The following CCDC39 variants were observed in gnomAD, a reference collection of about 807,000 sequenced individuals.
The protein encoded by CCDC39 is coiled-coil domain 39 molecular ruler complex subunit.
A neutral mutation model predicts 121.0 loss-of-function variants in CCDC39; 113 were observed. That is an observed-to-expected ratio of 0.93 (90% CI 0.80 to 1.09). CCDC39 has a LOEUF of 1.09. Ranked by LOEUF, CCDC39 falls within the 50% of genes least tolerant of loss-of-function variation. The pLI is 0.00. For synonymous variants in CCDC39, 349 were observed against 352.2 expected (o/e 0.99, Z 0.10); for missense variants, 1,063 against 1,074.7 (o/e 0.99, Z 0.15).
rs557331410 is a variant in CCDC39, at chr3:180,652,899, A to G, written c.931-633T>C. Among the ~76,000 whole-genome samples the G allele has an allele frequency of 2.6e-5, 4 of 152,252 alleles. No homozygotes were observed. In the South Asian group the frequency reaches 8.3e-4, roughly 32 times the overall value. On this transcript the variant is annotated intron_variant, in intron 7 of 19. Transcript: ENST00000476379. ...AAAAAGAAATCAAGAAAACAATCCC[A>G]TTTACAATGGCATCAAAAAGAATAA...
intron 1 of CCDC39, among the ~76,000 whole-genome samples, chr3:180,673,390 C>G (rs1712102989): frequency 6.6e-6 from 1 of 152,198 alleles, no homozygotes; most frequent in South Asian, 2.1e-4. Flanking sequence ...CCTTCAGCCA[C>G]CACCTTGATC....
intron 16 of CCDC39, chr3:180,617,892 C>T (rs1560079839): frequency 6.4e-6 from 1 of 156,864 alleles, no homozygotes; most frequent in Admixed American, 6.5e-5. Flanking sequence ...TTCACATTCT[C>T]TCACCACTCA....
At chr3:180,643,336 C>G (rs1718003579) in intron 12 of CCDC39, among the ~76,000 whole-genome samples, 2 of 151,356 alleles carry the variant, frequency 1.3e-5, no homozygotes, top group Non-Finnish European at 2.9e-5. Flanking sequence ...AAAAATGGGC[C>G]AAGAATACAA....
At chr3:180,668,899 C>T (rs1440299490) in intron 1 of CCDC39, among the ~76,000 whole-genome samples, 1 of 152,020 alleles carries the variant, frequency 6.6e-6, no homozygotes, top group African/African-American at 2.4e-5. Flanking sequence ...ATCTGTCAGT[C>T]CTTTCTTTGG....
intron 2 of CCDC39, 101 bp downstream of exon 2, chr3:180,663,766 C>T (rs1285878054): frequency 1.8e-6 from 2 of 1,117,296 alleles, no homozygotes; most frequent in African/African-American, 1.6e-5. Context: ...TTTAATTATG[C>T]TAAGGTTTCC....
Position 180,679,407 on chromosome 3 carries a change from G to C in CCDC39, c.-27C>G. The stretch of plus-strand genomic sequence containing the variant: ...ACTGCAAACGGATAGAGAAGATACA[G>C]AGCAAAGATCCGCCTTCTTGTACAG... On this transcript the variant is annotated 5_prime_UTR_variant, in exon 1 of 20. Transcript: ENST00000476379. This position sits in a 1 kb window ranked among gnomAD's most constrained non-coding sequence, Gnocchi z 4.0. 2 of 1,601,574 alleles carry C rather than the reference G, an allele frequency of 1.2e-6. No individual in the cohort carries two copies. Among genetic ancestry groups the C allele is most frequent in the Non-Finnish European group, 8.6e-7 (1 of 1,168,662 alleles).
At chr3:180,650,451 T>C (rs1718172945) in intron 9 of CCDC39, among the ~76,000 whole-genome samples, 1 of 152,140 alleles carries the variant, frequency 6.6e-6, no homozygotes, top group African/African-American at 2.4e-5. Context: ...ACAAAGCCAC[T>C]TTTTGAACTA....
At chr3:180,670,577 C>T (rs530490111) in intron 1 of CCDC39, among the ~76,000 whole-genome samples, 2 of 151,272 alleles carry the variant, frequency 1.3e-5, no homozygotes, top group Non-Finnish European at 2.9e-5. Flanking sequence ...TTCATTTACT[C>T]TAATTCCACA....
In CCDC39 at chr3:180,662,035, G is replaced by A. The variant is rs1184074080; in HGVS notation, c.211-28C>T. On this transcript the variant is annotated intron_variant, in intron 2 of 19. Coordinates refer to ENST00000476379, the MANE Select transcript of CCDC39 (RefSeq NM_181426.2). Reference sequence around the variant, plus strand: ...ACAGAATAACACACAAGATAAAAAGGCTTTTAAAATTTTAGAAATTTTGAA... The same window carrying A: ...ACAGAATAACACACAAGATAAAAAGACTTTTAAAATTTTAGAAATTTTGAA... 2.0e-6 allele frequency: 3 copies of A among 1,510,148 alleles called. No individual in the cohort carries two copies. In the African/African-American group the frequency reaches 4.3e-5, roughly 21 times the overall value. The allele number at this position is 1,510,148 out of a possible 1,614,324, so 93.5% of individuals were successfully genotyped here. A position where few individuals can be genotyped will look rare whatever the true frequency, so the allele number is the denominator to read the frequency against.
At chr3:180,637,787 A>G (rs941706250) in intron 13 of CCDC39, among the ~76,000 whole-genome samples, 1 of 152,188 alleles carries the variant, frequency 6.6e-6, no homozygotes, top group African/African-American at 2.4e-5. Context: ...GGGAACGTGG[A>G]TGGAGCTGGA....
In CCDC39 at chr3:180,654,895, A is replaced by T. The variant is rs370820882; in HGVS notation, c.797T>A (p.Ile266Asn). Residue 266 changes from isoleucine to asparagine, a missense_variant, in exon 7 of 20, where the codon ATC becomes AAC. Coordinates refer to ENST00000476379, the MANE Select transcript of CCDC39 (RefSeq NM_181426.2). ...REKENLVKEK[I>N]KFLESEIGNN... ...CCCAATCTCACTTTCCAAAAACTTG[A>T]TCTTTTCTTTAACCAAATTTTCTTT... The T allele has an allele frequency of 3.1e-6, 5 of 1,591,246 alleles. No homozygotes were observed. The African/African-American group carries it at 6.8e-5, about 22-fold the overall frequency.
chr3:180,675,754 G>GCCAAAACAGCATGTA, intron 1 of CCDC39, among the ~76,000 whole-genome samples: 1 of 152,140 alleles, frequency 6.6e-6, no homozygotes, highest in Non-Finnish European at 1.5e-5. Flanking sequence ...ATACTACAAG[G>GCCAAAACAGCATGTA]CTACAGTAAC....
chr3:180,617,998 A>G (rs898242596), intron 16 of CCDC39, among the ~76,000 whole-genome samples: 2 of 151,990 alleles, frequency 1.3e-5, no homozygotes, highest in Admixed American at 6.6e-5. Flanking sequence ...AATCCATTAT[A>G]CCATATTTTT....
rs373164355 is a variant in CCDC39, at chr3:180,663,936, C to T, written c.141G>A (p.Glu47=). 218 of 1,611,446 alleles carry T rather than the reference C, an allele frequency of 1.4e-4. No individual in the cohort carries two copies. Among genetic ancestry groups the T allele is most frequent in the Non-Finnish European group, 1.7e-4 (205 of 1,178,474 alleles). ...ERASLQDELR[E]YEERINSMTS... Reference sequence around the variant, plus strand: ...TCATAGAATTAATTCGCTCTTCATACTCACGTAACTCATCTTGCAAGCTTG... The same window carrying T: ...TCATAGAATTAATTCGCTCTTCATATTCACGTAACTCATCTTGCAAGCTTG... The change falls in exon 2 of 20, where the codon GAG becomes GAA. Residue 47 remains glutamate, a synonymous_variant. Coordinates refer to ENST00000476379, the MANE Select transcript of CCDC39 (RefSeq NM_181426.2).
At chr3:180,644,388 A>C (rs999194716) in intron 11 of CCDC39, 131 bp from the exon 12 acceptor site, 1 of 558,350 alleles carries the variant, frequency 1.8e-6, no homozygotes, top group Non-Finnish European at 2.9e-6. Context: ...ATGTTTTATT[A>C]TCTCTCTTTC....
In CCDC39 at chr3:180,658,294, A is replaced by G. The variant is rs533010041; in HGVS notation, c.738+1158T>C. Among the ~76,000 whole-genome samples the G allele has an allele frequency of 3.4e-5, 5 of 149,174 alleles. No individual in the cohort carries two copies. The East Asian group carries it at 8.2e-4, about 24-fold the overall frequency. On this transcript the variant is annotated intron_variant, in intron 6 of 19. Transcript: ENST00000476379. ...AAAAGAACCTCCTTAAAAAAAAAAA[A>G]AAAGAATTAAGAGAACCTCTGCCAG...
At chr3:180,673,783 A>G (rs1244944243) in intron 1 of CCDC39, among the ~76,000 whole-genome samples, 1 of 152,110 alleles carries the variant, frequency 6.6e-6, no homozygotes, top group Non-Finnish European at 1.5e-5. Context: ...AAATCTGTAC[A>G]TATTGGAAAA....
At chr3:180,646,979 G>C (rs1718080993) in intron 11 of CCDC39, 100 bp downstream of exon 11, 3 of 987,456 alleles carry the variant, frequency 3.0e-6, no homozygotes, top group African/African-American at 1.6e-5. Flanking sequence ...TATGTGTGTA[G>C]AGTGGCAGTC....
At chr3:180,677,674 AAAAT>A (rs1286063863) in intron 1 of CCDC39, among the ~76,000 whole-genome samples, 16 of 152,246 alleles carry the variant, frequency 1.1e-4, no homozygotes, top group African/African-American at 3.4e-4. Context: ...CTCAAATACT[AAAAT>A]AAATATTTTG....
Sources: allele counts gnomAD v4.1 joint callset (sites outside exome capture counted in the v4.1 genomes callset), GRCh38; gene constraint gnomAD v4.1.1; non-coding constraint Gnocchi (gnomAD v3.1); transcripts MANE v1.5; gene names NCBI Gene and HGNC (gene_info 2026-07-23, HGNC 2026-07-21).